Variants in PTPRT observed in about 807,000 individuals in gnomAD.
The protein encoded by PTPRT is receptor-type tyrosine-protein phosphatase T.
PTPRT carries 56 observed loss-of-function variants against 176.8 expected under a neutral mutation model. The observed-to-expected ratio is 0.32, with a 90% CI of 0.26 to 0.40. The LOEUF (loss-of-function observed/expected upper bound fraction) is 0.40. PTPRT is among the 10% of genes least tolerant of loss of function. The pLI is 1.00. For missense variants in PTPRT, 1,540 were observed against 1,908.2 expected (o/e 0.81, Z 3.60); for synonymous variants, 783 against 739.0 (o/e 1.06, Z -0.96).
At chr20:42,931,738 T>A (rs1376856051) in intron 1 of PTPRT, among the ~76,000 whole-genome samples, 2 of 152,158 alleles carry the variant, frequency 1.3e-5, no homozygotes, top group African/African-American at 4.8e-5. Flanking sequence ...GCGTAGGCGC[T>A]CAACAAGTAT....
chr20:42,676,846 T>C (rs2075513541), intron 7 of PTPRT, among the ~76,000 whole-genome samples: 1 of 152,170 alleles, frequency 6.6e-6, no homozygotes. Flanking sequence ...AGAGGTACAG[T>C]GAGACACATG....
At chr20:42,839,306 T>C (rs905575306) in intron 2 of PTPRT, among the ~76,000 whole-genome samples, 5 of 144,554 alleles carry the variant, frequency 3.5e-5, no homozygotes, top group African/African-American at 1.3e-4. Context: ...GTGTTCACTC[T>C]GTTTTTTTTT....
At position 42,579,529 on chromosome 20, in the gene PTPRT, T is replaced by G. The variant is rs543723507; in HGVS notation, c.1153+98337A>C. Among the ~76,000 whole-genome samples the G allele has an allele frequency of 6.6e-5, 10 of 152,306 alleles. No individual in the cohort carries two copies. The South Asian group carries it at 1.5e-3, about 22-fold the overall frequency. Reference sequence around the variant, plus strand: ...AACTAGTTTACAGTCCCACCAACAGTGAAAAAGTGTTCCTATTTCTCCACA... The same window carrying G: ...AACTAGTTTACAGTCCCACCAACAGGGAAAAAGTGTTCCTATTTCTCCACA... On this transcript the variant is annotated intron_variant, in intron 7 of 30. Transcript: ENST00000373187.
At chr20:42,056,446 T>C in the PTPRT span, among the ~76,000 whole-genome samples, 1 of 152,196 alleles carries the variant, frequency 6.6e-6, no homozygotes, top group Non-Finnish European at 1.5e-5. Context: ...GGTCTAAGCA[T>C]CTTTGGAGGC....
chr20:42,559,729 G>T (rs1185910255), intron 7 of PTPRT, among the ~76,000 whole-genome samples: 5 of 152,204 alleles, frequency 3.3e-5, no homozygotes, highest in African/African-American at 4.8e-5. Context: ...TAAATGCAAA[G>T]AAATGTCAAA....
intron 1 of PTPRT, among the ~76,000 whole-genome samples, chr20:43,035,535 T>C (rs943977609): frequency 6.6e-6 from 1 of 152,204 alleles, no homozygotes; most frequent in Non-Finnish European, 1.5e-5. Context: ...CTGGCCTCTG[T>C]TCTAGAGGAC....
intron 9 of PTPRT, among the ~76,000 whole-genome samples, chr20:42,438,279 T>C (rs528719103): frequency 2.0e-5 from 3 of 152,348 alleles, no homozygotes; most frequent in Non-Finnish European, 2.9e-5. Flanking sequence ...CGGGAGACTT[T>C]TGTTTTAATC....
intron 6 of PTPRT, among the ~76,000 whole-genome samples, chr20:42,752,749 C>T (rs1429403130): frequency 6.6e-6 from 1 of 152,122 alleles, no homozygotes; most frequent in Non-Finnish European, 1.5e-5. Flanking sequence ...TATTAAAGTA[C>T]TTAAGCATCC....
intron 1 of PTPRT, among the ~76,000 whole-genome samples, chr20:42,891,753 G>A (rs561252276): frequency 4.7e-4 from 72 of 152,308 alleles, no homozygotes; most frequent in Admixed American, 3.9e-3. Flanking sequence ...TAAAAGATTC[G>A]TTGGGCTCCC....
rs896678398 is a variant in PTPRT at position 42,565,595 on chromosome 20, AT to A, written c.1154-93034del. Among the ~76,000 whole-genome samples the A allele has an allele frequency of 2.7e-4, 41 of 152,250 alleles. 1 individual carries two copies. Among genetic ancestry groups the A allele is most frequent in the African/African-American group, 9.4e-4 (39 of 41,564 alleles). ...TGCTCTTTTCAGGTAGAATGAACGA[AT>A]TTGGGGAAAAGCCTAACTTTTAAAT... On this transcript the variant is annotated intron_variant, in intron 7 of 30. Coordinates refer to ENST00000373187, the MANE Select transcript of PTPRT (RefSeq NM_007050.6).
chr20:43,059,863 C>CA (rs933344068), intron 1 of PTPRT, among the ~76,000 whole-genome samples: 6 of 152,028 alleles, frequency 3.9e-5, no homozygotes, highest in Non-Finnish European at 7.4e-5. Context: ...TCTATAATCC[C>CA]AGCTACTCAG....
intron 7 of PTPRT, among the ~76,000 whole-genome samples, chr20:42,616,116 A>G (rs2074071880): frequency 7.8e-6 from 1 of 128,184 alleles, no homozygotes. Context: ...ATTTTTGTAT[A>G]AGGCATAAGG....
At chr20:42,435,903 G>T (rs1480348172) in intron 9 of PTPRT, among the ~76,000 whole-genome samples, 4 of 152,116 alleles carry the variant, frequency 2.6e-5, no homozygotes, top group Admixed American at 1.3e-4. Flanking sequence ...GACTATGCAT[G>T]GTTACAGTGC....
chr20:42,396,300 A>T (rs1368451566), intron 9 of PTPRT, among the ~76,000 whole-genome samples: 4 of 152,088 alleles, frequency 2.6e-5, no homozygotes, highest in Admixed American at 2.6e-4. Context: ...TTAAAACTAC[A>T]TCTAGAATTC....
intron 7 of PTPRT, among the ~76,000 whole-genome samples, chr20:42,497,427 C>G (rs530850245): frequency 6.6e-6 from 1 of 151,880 alleles, no homozygotes; most frequent in African/African-American, 2.4e-5. Flanking sequence ...TGGGCAAAAG[C>G]TGCTTCTCCT....
At chr20:43,017,940 C>T (rs1219546849) in intron 1 of PTPRT, among the ~76,000 whole-genome samples, 4 of 152,198 alleles carry the variant, frequency 2.6e-5, no homozygotes, top group Non-Finnish European at 5.9e-5. Flanking sequence ...AATTCACCCT[C>T]CATGTGGCCA....
At chr20:43,173,004 C>T (rs1242317202) in intron 1 of PTPRT, among the ~76,000 whole-genome samples, 1 of 151,854 alleles carries the variant, frequency 6.6e-6, no homozygotes, top group Non-Finnish European at 1.5e-5. Flanking sequence ...TCCTGAGTAG[C>T]TGGGATTACA....
chr20:43,076,332 A>G (rs2011276763), intron 1 of PTPRT, among the ~76,000 whole-genome samples: 1 of 152,128 alleles, frequency 6.6e-6, no homozygotes, highest in Non-Finnish European at 1.5e-5. Flanking sequence ...CGCCTTAATT[A>G]TGTACAACAT....
rs1346908999 is a variant in PTPRT, at chr20:42,840,196, C to T, written c.214+45611G>A. ...CCTGGCATTACTTGGTTTACAGCTG[C>T]GTGACCCCCATCTCTGCCTGCGTTG... is the stretch of plus-strand genomic sequence containing the variant. On this transcript the variant is annotated intron_variant, in intron 2 of 30. Coordinates refer to ENST00000373187, the MANE Select transcript of PTPRT (RefSeq NM_007050.6). Among the ~76,000 whole-genome samples, 3 of 145,416 alleles carry T rather than the reference C, an allele frequency of 2.1e-5. 1 individual carries two copies.
Sources: gnomAD v4.1 joint callset for allele counts (sites outside exome capture counted in the v4.1 genomes callset) on GRCh38, gnomAD v4.1.1 for gene constraint, MANE v1.5 for transcripts, NCBI Gene and HGNC (gene_info 2026-07-23, HGNC 2026-07-21) for gene names.